Variants in SSH2 observed in about 807,000 individuals in gnomAD.
The protein encoded by SSH2 is protein phosphatase Slingshot homolog 2.
SSH2 carries 37 observed loss-of-function variants against 135.2 expected under a neutral mutation model. The ratio of observed to expected loss-of-function variants is 0.27; its 90% CI spans 0.21 to 0.36. The LOEUF is 0.36. Ranked by LOEUF, SSH2 falls within the 10% of genes least tolerant of loss-of-function variation. SSH2 has a pLI of 1.00. For missense variants in SSH2, 1,408 were observed against 1,765.3 expected, an observed-to-expected ratio of 0.80 and a Z score of 3.63; for synonymous variants, 628 against 646.2, an observed-to-expected ratio of 0.97 and a Z score of 0.43.
chr17:29,663,619 C>T (rs933852038), intron 11 of SSH2, among the ~76,000 whole-genome samples: 2 of 152,086 alleles, frequency 1.3e-5, no homozygotes, highest in African/African-American at 4.8e-5. Flanking sequence ...TTCTAGAATA[C>T]AGAATTATAC....
chr17:29,701,709 T>G (rs1359796549), intron 4 of SSH2, among the ~76,000 whole-genome samples: 2 of 151,860 alleles, frequency 1.3e-5, no homozygotes, highest in Non-Finnish European at 2.9e-5. Context: ...CAGCTGAGAT[T>G]ACAGCAGTGT....
chr17:29,926,916 A>G (rs2067078356), intron 1 of SSH2, among the ~76,000 whole-genome samples: 1 of 152,162 alleles, frequency 6.6e-6, no homozygotes, highest in African/African-American at 2.4e-5. Context: ...ATACTTTTTG[A>G]TCACCAAGGA....
At chr17:29,700,719 T>C (rs1014263602) in intron 4 of SSH2, among the ~76,000 whole-genome samples, 6 of 152,220 alleles carry the variant, frequency 3.9e-5, no homozygotes, top group Admixed American at 1.3e-4. Flanking sequence ...CACCAGACAG[T>C]AGAAAGAAAT....
intron 3 of SSH2, among the ~76,000 whole-genome samples, chr17:29,747,502 A>G (rs984284348): frequency 5.3e-5 from 8 of 152,230 alleles, no homozygotes; most frequent in African/African-American, 1.2e-4. Context: ...GTGTGCAACA[A>G]GAACAATCTA....
At chr17:29,688,498 G>T (rs1043232161) in intron 5 of SSH2, among the ~76,000 whole-genome samples, 1 of 151,584 alleles carries the variant, frequency 6.6e-6, no homozygotes, top group Non-Finnish European at 1.5e-5. Flanking sequence ...TTTTGTTTTT[G>T]TGTTTCACTC....
chr17:29,791,494 C>A (rs886249010), intron 3 of SSH2, among the ~76,000 whole-genome samples: 15 of 152,184 alleles, frequency 9.9e-5, no homozygotes, highest in African/African-American at 3.4e-4. Context: ...TACATTTGAA[C>A]CCACAAACTG....
At chr17:29,725,900 G>A (rs2151177704) in intron 3 of SSH2, among the ~76,000 whole-genome samples, 1 of 152,020 alleles carries the variant, frequency 6.6e-6, no homozygotes, top group East Asian at 1.9e-4. Context: ...ATGTATCCCA[G>A]AACTTAAAAG....
chr17:29,807,313 T>G (rs2042362815), intron 2 of SSH2, among the ~76,000 whole-genome samples: 1 of 152,238 alleles, frequency 6.6e-6, no homozygotes, highest in Non-Finnish European at 1.5e-5. Flanking sequence ...AAGACAGTTT[T>G]CATTAGGGGG....
At chr17:29,854,252 C>T (rs561528835) in intron 1 of SSH2, among the ~76,000 whole-genome samples, 7 of 151,962 alleles carry the variant, frequency 4.6e-5, no homozygotes, top group Non-Finnish European at 8.8e-5. Flanking sequence ...ACCCCTACTG[C>T]GTATTAAGCA....
chr17:29,798,261 C>T (rs552697472), intron 2 of SSH2, among the ~76,000 whole-genome samples: 19 of 151,338 alleles, frequency 1.3e-4, no homozygotes, highest in African/African-American at 3.4e-4. Context: ...TGGGTTCAAG[C>T]GATTCTCCTG....
intron 5 of SSH2, among the ~76,000 whole-genome samples, chr17:29,688,456 A>G (rs2038322856): frequency 6.6e-6 from 1 of 152,078 alleles, no homozygotes; most frequent in South Asian, 2.1e-4. Flanking sequence ...AATAACATGC[A>G]TATCTCAGAT....
intron 1 of SSH2, among the ~76,000 whole-genome samples, chr17:29,924,637 GT>G (rs112235039): frequency 2.0e-4 from 30 of 148,246 alleles, no homozygotes; most frequent in Non-Finnish European, 2.8e-4. Flanking sequence ...GTACTTGTGG[GT>G]TTTTTTTTTC....
At chr17:29,684,981 T>C (rs1363811395) in intron 5 of SSH2, among the ~76,000 whole-genome samples, 1 of 152,224 alleles carries the variant, frequency 6.6e-6, no homozygotes, top group East Asian at 1.9e-4. Context: ...AGATGTTTGT[T>C]ATTAGTGCAA....
chr17:29,738,858 C>A (rs757494366), intron 3 of SSH2, among the ~76,000 whole-genome samples: 11 of 151,958 alleles, frequency 7.2e-5, no homozygotes, highest in Non-Finnish European at 8.8e-5. Flanking sequence ...CCGGCCTCTG[C>A]GGCTTAATTT....
intron 4 of SSH2, among the ~76,000 whole-genome samples, chr17:29,697,155 T>C (rs1475037455): frequency 6.6e-6 from 1 of 152,194 alleles, no homozygotes; most frequent in East Asian, 1.9e-4. Flanking sequence ...CTCATATTCC[T>C]AGGAAATCTG....
chr17:29,854,404 A>G (rs2065624578), intron 1 of SSH2, among the ~76,000 whole-genome samples: 1 of 151,864 alleles, frequency 6.6e-6, no homozygotes, highest in East Asian at 1.9e-4. Flanking sequence ...TTGGGGAAAC[A>G]TGTCCCTTTA....
chr17:29,774,778 G>A (rs773781376), intron 3 of SSH2, among the ~76,000 whole-genome samples: 24 of 152,106 alleles, frequency 1.6e-4, no homozygotes, highest in Non-Finnish European at 3.2e-4. Flanking sequence ...TTAATCATCC[G>A]GTCATGAATT....
chr17:29,792,257 C>G (rs2042081364), intron 3 of SSH2, among the ~76,000 whole-genome samples: 1 of 152,072 alleles, frequency 6.6e-6, no homozygotes, highest in Non-Finnish European at 1.5e-5. Flanking sequence ...GAATGACTTC[C>G]ATTGCCTCAT....
chr17:29,774,225 T>C (rs1390268639), intron 3 of SSH2, among the ~76,000 whole-genome samples: 4 of 152,216 alleles, frequency 2.6e-5, no homozygotes, highest in African/African-American at 9.6e-5. Context: ...AATAGCCTTT[T>C]ACTTTTTCAT....
Sources: gnomAD v4.1 joint callset for allele counts (sites outside exome capture counted in the v4.1 genomes callset) on GRCh38, gnomAD v4.1.1 for gene constraint, MANE v1.5 for transcripts, NCBI Gene and HGNC (gene_info 2026-07-23, HGNC 2026-07-21) for gene names.